Variants in ZNF724 observed in about 807,000 individuals in gnomAD.
ZNF724 encodes zinc finger protein 724 pseudogene.
ZNF724 carries 14 observed loss-of-function variants against 29.3 expected under a neutral mutation model. That is an observed-to-expected ratio of 0.48 (90% CI 0.32 to 0.75). The LOEUF is 0.75. Ranked by LOEUF, ZNF724 falls within the 30% of genes least tolerant of loss-of-function variation. The pLI is 0.04. For missense variants in ZNF724, 557 were observed against 571.2 expected, an observed-to-expected ratio of 0.98 and a Z score of 0.25; for synonymous variants, 180 against 193.6, an observed-to-expected ratio of 0.93 and a Z score of 0.58.
At chr19:23,227,958 A>G (rs894228115) in intron 3 of ZNF724, among the ~76,000 whole-genome samples, 1 of 152,148 alleles carries the variant, frequency 6.6e-6, no homozygotes, top group Non-Finnish European at 1.5e-5. Context: ...AAGGTGACCT[A>G]TTTTCTTAAC....
At chr19:23,238,277 A>C (rs1972056271) in intron 1 of ZNF724, among the ~76,000 whole-genome samples, 1 of 152,096 alleles carries the variant, frequency 6.6e-6, no homozygotes, top group Non-Finnish European at 1.5e-5. Context: ...AGGCAGGAGA[A>C]TGGCGTGAAC....
At chr19:23,237,767 G>T (rs1972046968) in intron 1 of ZNF724, among the ~76,000 whole-genome samples, 1 of 148,518 alleles carries the variant, frequency 6.7e-6, no homozygotes, top group African/African-American at 2.5e-5. Context: ...AATGCAAGTT[G>T]TCTACAAACA....
chr19:23,224,129 A>C (rs1568338231), intron 3 of ZNF724, 111 bp from the exon 4 acceptor site: 3 of 536,802 alleles, frequency 5.6e-6, no homozygotes. Flanking sequence ...TTGCATAAGA[A>C]GGCCAGGCAT....
At chr19:23,241,488 A>C (rs1972123458) in intron 1 of ZNF724, among the ~76,000 whole-genome samples, 1 of 152,190 alleles carries the variant, frequency 6.6e-6, no homozygotes, top group African/African-American at 2.4e-5. Flanking sequence ...TTGCTGCAAA[A>C]ATCCTCAACA....
At chr19:23,241,672 T>C (rs1972126946) in intron 1 of ZNF724, among the ~76,000 whole-genome samples, 1 of 152,154 alleles carries the variant, frequency 6.6e-6, no homozygotes, top group Non-Finnish European at 1.5e-5. Context: ...AGAAAAAACT[T>C]CCAATAAAAT....
At chr19:23,229,301 GT>G (rs1302866139) in intron 3 of ZNF724, among the ~76,000 whole-genome samples, 1 of 152,130 alleles carries the variant, frequency 6.6e-6, no homozygotes, top group Non-Finnish European at 1.5e-5. Flanking sequence ...CCCAGTCACA[GT>G]CTGGGAGAGG....
In ZNF724 at chr19:23,222,397, T is replaced by C. The variant is rs1971731203; in HGVS notation, c.1848A>G (p.Lys616=). 2.6e-6 allele frequency: 3 copies of C among 1,161,704 alleles called. No individual in the cohort carries two copies. The highest frequency in any genetic ancestry group is 3.8e-6 in the Non-Finnish European group (3 of 781,198). The allele number at this position is 1,161,704 out of a possible 1,614,324, so 72.0% of individuals were successfully genotyped here. ...TGGTCCATTTTTCTTATTTGTCAGA[T>C]TTTTCTACAGCATGAATTTTCTTGT... ...TTHKKIHAVE[K]SDK The change falls in exon 4 of 4, where the codon AAA becomes AAG. Residue 616 remains lysine (K), a synonymous_variant. Transcript: ENST00000418100.
At position 23,222,805 on chromosome 19, in the gene ZNF724, A is replaced by G. The variant is rs1057356456; in HGVS notation, c.1440T>C (p.Cys480=). The G allele has an allele frequency of 1.3e-5, 18 of 1,423,342 alleles. No individual in the cohort carries two copies. Among genetic ancestry groups the G allele is most frequent in the South Asian group, 2.3e-5 (2 of 85,160 alleles). The allele number at this position is 1,423,342 out of a possible 1,614,324, so 88.2% of individuals were successfully genotyped here. Residue 480 remains cysteine, a synonymous_variant, in exon 4 of 4, where the codon TGT becomes TGC. Transcript: ENST00000418100. ...GGTTAAAAGCTTTGCCACATTCTTC[A>G]CATTTGTAGGGTTTCTCTCCAGTAT... ...IIHTGEKPYK[C]EECGKAFNLS...
At chr19:23,234,878 ATGT>A (rs1173700204) in intron 1 of ZNF724, among the ~76,000 whole-genome samples, 1 of 152,206 alleles carries the variant, frequency 6.6e-6, no homozygotes, top group African/African-American at 2.4e-5. Flanking sequence ...GTCAATGCTG[ATGT>A]TGCTTCTTCT....
At chr19:23,227,454 G>A (rs1485862406) in intron 3 of ZNF724, among the ~76,000 whole-genome samples, 1 of 149,368 alleles carries the variant, frequency 6.7e-6, no homozygotes, top group Non-Finnish European at 1.5e-5. Flanking sequence ...TACTTGGGAG[G>A]CTGAGGCAGA....
intron 1 of ZNF724, among the ~76,000 whole-genome samples, chr19:23,235,819 T>A (rs1306100039): frequency 6.6e-6 from 1 of 151,992 alleles, no homozygotes; most frequent in Non-Finnish European, 1.5e-5. Context: ...AAAGAAAAAA[T>A]TTCTCCAGCC....
intron 1 of ZNF724, among the ~76,000 whole-genome samples, chr19:23,232,876 A>G (rs1039085241): frequency 6.6e-6 from 1 of 152,182 alleles, no homozygotes; most frequent in Non-Finnish European, 1.5e-5. Flanking sequence ...TTCCAAAAAC[A>G]GATATATGCA....
At position 23,222,926 on chromosome 19, in the gene ZNF724, T is replaced by C. The variant is rs1443289690; in HGVS notation, c.1319A>G (p.His440Arg). 3 of 1,389,960 alleles carry C rather than the reference T, an allele frequency of 2.2e-6. No homozygotes were observed. Among genetic ancestry groups the C allele is most frequent in the South Asian group, 1.2e-5 (1 of 86,294 alleles). The allele number at this position is 1,389,960 out of a possible 1,614,324, so 86.1% of individuals were successfully genotyped here. ...AFNQFSQLTT[H>R]KIIHTGEKPY... ...TTTCTCTCCAGTATGAATTATCTTA[T>C]GTGTAGTAAGTTGTGAGAACTGGTT... Residue 440 changes from histidine (H) to arginine (R), a missense_variant, in exon 4 of 4, where the codon CAT becomes CGT. His to Arg is a conservative substitution (Grantham distance 29). Coordinates refer to ENST00000418100, the MANE Select transcript of ZNF724 (RefSeq NM_001355404.2).
At chr19:23,246,692 A>G (rs904336707) in intron 1 of ZNF724, among the ~76,000 whole-genome samples, 3 of 152,092 alleles carry the variant, frequency 2.0e-5, no homozygotes, top group African/African-American at 7.2e-5. Flanking sequence ...AAACTCATAC[A>G]TCAAGATTAC....
In ZNF724 at chr19:23,245,038, T is replaced by C. The variant is rs532911172; in HGVS notation, c.3+5202A>G. ...TGGTAAATGGCTATAATTAATAAAA[T>C]TCTCCATCTTTTGTGTGCTCCAGAA... On this transcript the variant is annotated intron_variant, in intron 1 of 3. Transcript: ENST00000418100. Among the ~76,000 whole-genome samples the C allele has an allele frequency of 5.3e-5, 8 of 152,222 alleles. No homozygotes were observed. The South Asian group carries it at 1.5e-3, about 28-fold the overall frequency.
intron 2 of ZNF724, 71 bp from the exon 3 acceptor site, chr19:23,231,432 G>T: frequency 9.9e-7 from 1 of 1,011,036 alleles, no homozygotes. Context: ...TAAAAAGGGT[G>T]TAATTAATAG....
chr19:23,243,512 T>C (rs1305713414), intron 1 of ZNF724, among the ~76,000 whole-genome samples: 1 of 131,798 alleles, frequency 7.6e-6, no homozygotes, highest in Non-Finnish European at 1.6e-5. Context: ...GGTAAACTGA[T>C]GCAGAAAGAG....
At position 23,246,658 on chromosome 19, in the gene ZNF724, G is replaced by GA. The variant is rs879693051; in HGVS notation, c.3+3581dup. 6.1e-3 allele frequency among the ~76,000 whole-genome samples: 856 copies of GA among 139,718 alleles called. 9 individuals are homozygous for GA. Among genetic ancestry groups the GA allele is most frequent in the African/African-American group, 0.019 (743 of 38,144 alleles). 91.7% of individuals were successfully genotyped at this position (139,718 alleles called of 152,430 possible). A position where few individuals can be genotyped will look rare whatever the true frequency, so the allele number is the denominator to read the frequency against. On this transcript the variant is annotated intron_variant, in intron 1 of 3. Coordinates refer to ENST00000418100, the MANE Select transcript of ZNF724 (RefSeq NM_001355404.2). ...GACAGAGCAAGACTCTGTCTCAGGGGAAAAAAAAAAAAGAATTAGCATTAA... is the reference window on the plus strand; with the variant it reads ...GACAGAGCAAGACTCTGTCTCAGGGGAAAAAAAAAAAAAGAATTAGCATTAA...
chr19:23,246,034 T>G (rs902359188), intron 1 of ZNF724, among the ~76,000 whole-genome samples: 15 of 152,198 alleles, frequency 9.9e-5, no homozygotes, highest in African/African-American at 3.6e-4. Flanking sequence ...CAGGAAGAAC[T>G]AACTGGGCCT....
Sources: gnomAD v4.1 joint callset for allele counts (sites outside exome capture counted in the v4.1 genomes callset) on GRCh38, gnomAD v4.1.1 for gene constraint, MANE v1.5 for transcripts, NCBI Gene and HGNC (gene_info 2026-07-23, HGNC 2026-07-21) for gene names.